Variants in ZFHX3 observed in about 807,000 individuals in gnomAD.
ZFHX3 encodes the protein zinc finger homeobox 3, also known as zinc finger homeobox protein 3.
In ZFHX3, 42 loss-of-function variants were observed where a neutral mutation model predicts 279.1. The observed-to-expected ratio is 0.15, with a 90% CI of 0.12 to 0.19. ZFHX3 has a LOEUF of 0.19. Ranked by LOEUF, ZFHX3 falls within the 10% of genes least tolerant of loss-of-function variation. The probability of loss-of-function intolerance (pLI) is 1.00; values close to 1 mark genes in which losing one functional copy is unlikely to be tolerated. For missense variants in ZFHX3, 4,981 were observed against 4,754.0 expected, an observed-to-expected ratio of 1.05 and a Z score of -1.40; for synonymous variants, 2,293 against 1,957.8, an observed-to-expected ratio of 1.17 and a Z score of -4.52.
chr16:73,552,368 T>C (rs1031524011), intron 2 of ZFHX3, among the ~76,000 whole-genome samples: 13 of 152,206 alleles, frequency 8.5e-5, no homozygotes, highest in Non-Finnish European at 1.9e-4. Flanking sequence ...AGTATACCAT[T>C]AGTAATTGGA....
rs912414271 is a variant in ZFHX3 at position 72,945,528 on chromosome 16, G to A, written c.3216+4941C>T. Among the ~76,000 whole-genome samples, 8 of 152,236 alleles carry A rather than the reference G, an allele frequency of 5.3e-5. No homozygotes were observed. The South Asian group carries it at 6.2e-4, about 12-fold the overall frequency. The stretch of plus-strand genomic sequence containing the variant: ...TCCAGGAGAAGGAGGGCATGCAGGC[G>A]AAATCTGCTAAAATTCACCAAAACA... On this transcript the variant is annotated intron_variant, in intron 3 of 9. Transcript: ENST00000268489.
At chr16:72,954,769 G>C (rs72795129) in intron 2 of ZFHX3, among the ~76,000 whole-genome samples, 1 of 152,030 alleles carries the variant, frequency 6.6e-6, no homozygotes, top group Admixed American at 6.5e-5. Context: ...GACTGTACTA[G>C]GCGAAGGAGC....
At chr16:73,393,814 A>G (rs953542972) in intron 3 of ZFHX3, among the ~76,000 whole-genome samples, 1 of 151,508 alleles carries the variant, frequency 6.6e-6, no homozygotes, top group Non-Finnish European at 1.5e-5. Flanking sequence ...TCAATTAAGA[A>G]CATTAATTCT....
At chr16:73,177,173 GCCAACCAA>G (rs10616305) in intron 5 of ZFHX3, among the ~76,000 whole-genome samples, 1 of 151,654 alleles carries the variant, frequency 6.6e-6, no homozygotes, top group Non-Finnish European at 1.5e-5. Flanking sequence ...CAACCAACCA[GCCAACCAA>G]CCAACCAACC....
intron 2 of ZFHX3, among the ~76,000 whole-genome samples, chr16:73,469,648 C>A (rs1444142934): frequency 6.6e-6 from 1 of 151,850 alleles, no homozygotes; most frequent in Non-Finnish European, 1.5e-5. Flanking sequence ...GACAGAATCT[C>A]ACTCTGTCAC....
chr16:72,788,070 T>C lies in ZFHX3; in HGVS notation c.10206A>G (p.Pro3402=), dbSNP rs769979499. The part of the protein sequence containing the change: ...QQQQPKASQT[P]VPPGAPSPDK... ...CTGGGGAAGGAGCCCCGGGGGGGAC[T>C]GGGGTTTGGCTTGCTTTGGGCTGCT... The change falls in exon 10 of 10, where the codon CCA becomes CCG. Residue 3402 remains proline, a synonymous_variant. Transcript: ENST00000268489. 1 of 1,611,912 alleles carries C rather than the reference T, an allele frequency of 6.2e-7. No individual in the cohort carries two copies. The highest frequency in any genetic ancestry group is 1.1e-5 in the South Asian group (1 of 91,062).
intron 8 of ZFHX3, among the ~76,000 whole-genome samples, chr16:73,065,666 C>T (rs1965742211): frequency 6.6e-6 from 1 of 151,936 alleles, no homozygotes; most frequent in South Asian, 2.1e-4. Flanking sequence ...TCCCAGTCCT[C>T]GTCCTCCCTC....
intron 2 of ZFHX3, among the ~76,000 whole-genome samples, chr16:73,473,895 C>G (rs1226773163): frequency 3.3e-5 from 5 of 152,110 alleles, no homozygotes; most frequent in Non-Finnish European, 7.4e-5. Context: ...ACAGAGCACT[C>G]CGTTGGCCAG....
chr16:73,338,441 T>G (rs1567454497), intron 3 of ZFHX3, among the ~76,000 whole-genome samples: 1 of 152,256 alleles, frequency 6.6e-6, no homozygotes, highest in East Asian at 1.9e-4. Context: ...GTCAACTTTT[T>G]TTTTCATTTT....
chr16:73,455,287 G>T (rs992238062), intron 3 of ZFHX3, among the ~76,000 whole-genome samples: 1 of 152,172 alleles, frequency 6.6e-6, no homozygotes, highest in East Asian at 1.9e-4. Flanking sequence ...TGCATTCTCA[G>T]AGTTTGGAAA....
intron 8 of ZFHX3, 88 bp downstream of exon 8, chr16:72,799,939 G>A (rs1037545963): frequency 2.5e-6 from 3 of 1,217,564 alleles, no homozygotes; most frequent in African/African-American, 3.0e-5. Context: ...TAAGAGTATT[G>A]TAAAGAATTC....
intron 1 of ZFHX3, among the ~76,000 whole-genome samples, chr16:73,039,932 G>A (rs1965049370): frequency 6.6e-6 from 1 of 152,162 alleles, no homozygotes; most frequent in South Asian, 2.1e-4. Flanking sequence ...AGTTTGAGCG[G>A]TATAAGCAAT....
chr16:73,312,548 A>G (rs1474122019), intron 4 of ZFHX3, among the ~76,000 whole-genome samples: 2 of 152,224 alleles, frequency 1.3e-5, no homozygotes, highest in South Asian at 2.1e-4. Flanking sequence ...GATGCTACTC[A>G]TACATTCCTG....
chr16:73,862,132 C>T (rs1961897514), intron 1 of ZFHX3, among the ~76,000 whole-genome samples: 1 of 152,128 alleles, frequency 6.6e-6, no homozygotes, highest in African/African-American at 2.4e-5. Flanking sequence ...CACTAGGTAC[C>T]ACATAGTTCT....
intron 1 of ZFHX3, among the ~76,000 whole-genome samples, chr16:73,761,736 G>T (rs1310550830): frequency 6.6e-6 from 1 of 152,116 alleles, no homozygotes; most frequent in Admixed American, 6.5e-5. Context: ...AATGGGAAAA[G>T]GACTCCCTAT....
chr16:73,217,101 G>A (rs1000612205), intron 5 of ZFHX3, among the ~76,000 whole-genome samples: 11 of 152,180 alleles, frequency 7.2e-5, no homozygotes, highest in African/African-American at 2.4e-4. Flanking sequence ...AGTTTTGCCC[G>A]TAATAATGTT....
chr16:73,580,907 A>T lies in ZFHX3; in HGVS notation c.-1547+99273T>A, dbSNP rs189266455. On this transcript the variant is annotated intron_variant, in intron 2 of 17. Coordinates refer to the ZFHX3 transcript ENST00000641206. ...TCTTTGTTTCCTGGCACAACAAGATATCTTGCTGTGACCTTATATATTTCT... is the reference window on the plus strand; with the variant it reads ...TCTTTGTTTCCTGGCACAACAAGATTTCTTGCTGTGACCTTATATATTTCT... Among the ~76,000 whole-genome samples the T allele has an allele frequency of 6.8e-4, 104 of 151,930 alleles. 3 individuals are homozygous for T. The highest frequency in any genetic ancestry group is 2.3e-3 in the African/African-American group (95 of 41,242).
chr16:72,815,905 A>G (rs2036591003), intron 5 of ZFHX3, among the ~76,000 whole-genome samples: 1 of 152,240 alleles, frequency 6.6e-6, no homozygotes, highest in Non-Finnish European at 1.5e-5. Context: ...AACAATCTAG[A>G]TATCTTACAA....
chr16:73,504,180 A>C (rs1415786244), intron 2 of ZFHX3: 1 of 151,392 alleles, frequency 6.6e-6, no homozygotes, highest in Non-Finnish European at 1.5e-5. Flanking sequence ...ACCCTATCCC[A>C]CTCCCCAGCT....
Sources: allele counts gnomAD v4.1 joint callset (sites outside exome capture counted in the v4.1 genomes callset), GRCh38; gene constraint gnomAD v4.1.1; transcripts MANE v1.5; gene names NCBI Gene and HGNC (gene_info 2026-07-23, HGNC 2026-07-21).